GSG1L: variants seen among roughly 807,000 people sequenced by gnomAD.
GSG1L encodes germ cell-specific gene 1-like protein.
In GSG1L, 24 loss-of-function variants were observed where a neutral mutation model predicts 42.1. The ratio of observed to expected loss-of-function variants is 0.57; its 90% CI spans 0.41 to 0.80. The LOEUF is 0.80. Ranked by LOEUF, GSG1L falls within the 30% of genes least tolerant of loss-of-function variation. GSG1L has a pLI of 0.00. For missense variants in GSG1L, 445 were observed against 472.2 expected, an observed-to-expected ratio of 0.94 and a Z score of 0.53; for synonymous variants, 215 against 203.5, an observed-to-expected ratio of 1.06 and a Z score of -0.48.
intron 1 of GSG1L, among the ~76,000 whole-genome samples, chr16:27,984,066 C>T (rs1250616898): frequency 6.6e-6 from 1 of 152,166 alleles, no homozygotes; most frequent in Non-Finnish European, 1.5e-5. Flanking sequence ...TGAGGTGTGA[C>T]CAGCTACGCA....
chr16:27,955,770 T>C (rs2084994495), intron 2 of GSG1L, among the ~76,000 whole-genome samples: 1 of 151,602 alleles, frequency 6.6e-6, no homozygotes, highest in Non-Finnish European at 1.5e-5. Flanking sequence ...GGAGCCAACA[T>C]GAGAGAGGGG....
chr16:28,030,798 T>TGGGATGGGATGGGATGGGAG (rs2085951203), intron 1 of GSG1L, among the ~76,000 whole-genome samples: 1 of 129,598 alleles, frequency 7.7e-6, no homozygotes, highest in Admixed American at 8.0e-5. Flanking sequence ...TGGGATGGGA[T>TGGGATGGGATGGGATGGGAG]GAGATAAGTT....
At chr16:27,891,487 A>AC (rs1457145087) in intron 2 of GSG1L, among the ~76,000 whole-genome samples, 6 of 151,910 alleles carry the variant, frequency 3.9e-5, no homozygotes, top group African/African-American at 1.5e-4. Flanking sequence ...CATTTTTGAG[A>AC]CAAAGTCTTG....
chr16:27,889,254 C>T (rs371323811), intron 2 of GSG1L, among the ~76,000 whole-genome samples: 16 of 152,210 alleles, frequency 1.1e-4, no homozygotes, highest in East Asian at 5.8e-4. Context: ...CCTCCCAAAG[C>T]GCTGAAATTA....
At chr16:27,936,497 C>T (rs1268175437) in intron 2 of GSG1L, among the ~76,000 whole-genome samples, 1 of 152,208 alleles carries the variant, frequency 6.6e-6, no homozygotes, top group East Asian at 1.9e-4. Flanking sequence ...CCTCTGCACA[C>T]AGCAGCTCTC....
intron 2 of GSG1L, among the ~76,000 whole-genome samples, chr16:27,933,972 C>T (rs1332811502): frequency 6.6e-6 from 1 of 152,184 alleles, no homozygotes; most frequent in Non-Finnish European, 1.5e-5. Context: ...GAGTTGAACT[C>T]AATTAAATCT....
chr16:27,888,479 T>C lies in GSG1L; in HGVS notation c.398-3841A>G, dbSNP rs1312460980. Reference sequence around the variant, plus strand: ...TTCTTTCTTTCTCTCTCTCTCTCTCTTTCCTTTCTTTCTTTCTTTCTTTCT... The same window carrying C: ...TTCTTTCTTTCTCTCTCTCTCTCTCCTTCCTTTCTTTCTTTCTTTCTTTCT... On this transcript the variant is annotated intron_variant, in intron 2 of 6. Coordinates refer to ENST00000447459, the MANE Select transcript of GSG1L (RefSeq NM_001109763.2). 5.7e-3 allele frequency among the ~76,000 whole-genome samples: 253 copies of C among 44,354 alleles called. 27 individuals carry two copies. The highest frequency in any genetic ancestry group is 7.0e-3 in the South Asian group (8 of 1,148). 29.1% of individuals were successfully genotyped at this position (44,354 alleles called of 152,430 possible).
chr16:27,812,138 A>G (rs2083038155), intron 5 of GSG1L, among the ~76,000 whole-genome samples: 1 of 152,196 alleles, frequency 6.6e-6, no homozygotes, highest in African/African-American at 2.4e-5. Flanking sequence ...CTTGTTGCCC[A>G]GAGACCTCCA....
At chr16:28,046,792 C>T (rs759721682) in intron 1 of GSG1L, among the ~76,000 whole-genome samples, 9 of 152,180 alleles carry the variant, frequency 5.9e-5, no homozygotes, top group African/African-American at 1.9e-4. Flanking sequence ...ACAAAGCCTG[C>T]GCAAAGCCTT....
chr16:28,007,604 C>G (rs1022511299), intron 1 of GSG1L, among the ~76,000 whole-genome samples: 1 of 152,046 alleles, frequency 6.6e-6, no homozygotes, highest in Non-Finnish European at 1.5e-5. Flanking sequence ...CCTCAATCCC[C>G]CAGGCTCAGG....
intron 5 of GSG1L, among the ~76,000 whole-genome samples, chr16:27,825,978 G>T (rs1418517938): frequency 2.6e-5 from 4 of 152,154 alleles, no homozygotes; most frequent in Non-Finnish European, 4.4e-5. Context: ...TCTCAGTTGT[G>T]TCTTTATTAG....
intron 5 of GSG1L, among the ~76,000 whole-genome samples, chr16:27,809,715 C>T (rs187174481): frequency 3.2e-4 from 48 of 152,288 alleles, no homozygotes; most frequent in African/African-American, 1.1e-3. Flanking sequence ...CTCTCTCACC[C>T]TGTCTTTGTC....
chr16:27,831,249 A>C lies in GSG1L; in HGVS notation c.663-2293T>G, dbSNP rs1023297616. Among the ~76,000 whole-genome samples, 10 of 152,198 alleles carry C rather than the reference A, an allele frequency of 6.6e-5. 1 individual carries two copies. Among genetic ancestry groups the C allele is most frequent in the Admixed American group, 6.5e-4 (10 of 15,284 alleles). On this transcript the variant is annotated intron_variant, in intron 4 of 6. Transcript: ENST00000447459. Reference sequence around the variant, plus strand: ...ATGAAATTGACCCAAAAGAAAGCAGAGCCATGAAAAGGGGCTGGATCCCTG... The same window carrying C: ...ATGAAATTGACCCAAAAGAAAGCAGCGCCATGAAAAGGGGCTGGATCCCTG...
chr16:27,872,641 G>T lies in GSG1L; in HGVS notation c.550+11845C>A, dbSNP rs377601150. Among the ~76,000 whole-genome samples, 90 of 152,262 alleles carry T rather than the reference G, an allele frequency of 5.9e-4. 1 individual carries two copies. The highest frequency in any genetic ancestry group is 2.1e-3 in the African/African-American group (88 of 41,556). On this transcript the variant is annotated intron_variant, in intron 3 of 6. Coordinates refer to ENST00000447459, the MANE Select transcript of GSG1L (RefSeq NM_001109763.2). ...GACCTTGCTGATAAAACAGGTTGCG[G>T]TAAAGAAGCCAGCCAAAACCCACCA...
At chr16:27,794,808 G>T (rs2082800028) in intron 6 of GSG1L, among the ~76,000 whole-genome samples, 2 of 152,140 alleles carry the variant, frequency 1.3e-5, no homozygotes, top group African/African-American at 4.8e-5. Context: ...CCATGATTCT[G>T]TTCCATGGCT....
intron 1 of GSG1L, among the ~76,000 whole-genome samples, chr16:27,987,945 C>CAAAAA (rs56395297): frequency 2.4e-4 from 22 of 92,776 alleles, no homozygotes; most frequent in African/African-American, 4.2e-4. Flanking sequence ...GACTCCGTCT[C>CAAAAA]AAAAAAAAAA....
chr16:28,026,583 C>T (rs1174350387), intron 1 of GSG1L, among the ~76,000 whole-genome samples: 3 of 152,182 alleles, frequency 2.0e-5, no homozygotes, highest in African/African-American at 7.2e-5. Flanking sequence ...CTGGACGCAG[C>T]TCAGCTGGGC....
chr16:28,043,886 G>A (rs1432673894), intron 1 of GSG1L, among the ~76,000 whole-genome samples: 2 of 152,052 alleles, frequency 1.3e-5, no homozygotes, highest in Admixed American at 1.3e-4. Flanking sequence ...GCAGGGCATG[G>A]TGGCACATGC....
chr16:28,009,447 T>TTG (rs1316828199), intron 1 of GSG1L, among the ~76,000 whole-genome samples: 3 of 152,156 alleles, frequency 2.0e-5, no homozygotes, highest in Admixed American at 2.0e-4. Flanking sequence ...ACACATGCAT[T>TTG]TGTGTGTGTG....
Sources: allele counts gnomAD v4.1 joint callset (sites outside exome capture counted in the v4.1 genomes callset), GRCh38; gene constraint gnomAD v4.1.1; transcripts MANE v1.5; gene names NCBI Gene and HGNC (gene_info 2026-07-23, HGNC 2026-07-21).